The following ABCC1 variants were observed in gnomAD, a reference collection of about 807,000 sequenced individuals.
ABCC1 encodes the protein multidrug resistance-associated protein 1.
In ABCC1, 83 loss-of-function variants were observed where a neutral mutation model predicts 172.9. The ratio of observed to expected loss-of-function variants is 0.48; its 90% CI spans 0.40 to 0.58. The LOEUF is 0.58. Among genes scored for constraint, ABCC1 ranks in the 20% least tolerant of loss-of-function variants. The pLI, the probability that ABCC1 is intolerant of heterozygous loss-of-function variation, is 0.00. For missense variants in ABCC1, 1,817 were observed against 2,002.7 expected (o/e 0.91, Z 1.77); for synonymous variants, 937 against 825.2 (o/e 1.14, Z -2.32).
At chr16:16,044,071 C>A (rs2049096933) in intron 7 of ABCC1, among the ~76,000 whole-genome samples, 1 of 152,224 alleles carries the variant, frequency 6.6e-6, no homozygotes, top group Non-Finnish European at 1.5e-5. Flanking sequence ...TGGGGATTGC[C>A]TTGACTCTAG....
chr16:16,110,048 G>A (rs146452283), intron 21 of ABCC1, among the ~76,000 whole-genome samples: 203 of 151,536 alleles, frequency 1.3e-3, no homozygotes, highest in African/African-American at 4.7e-3. Flanking sequence ...CTACCTCAGG[G>A]CCTTTGCACA....
intron 5 of ABCC1, among the ~76,000 whole-genome samples, chr16:16,024,499 G>A (rs999433345): frequency 6.6e-6 from 1 of 152,130 alleles, no homozygotes; most frequent in African/African-American, 2.4e-5. Flanking sequence ...CCATAGTTGC[G>A]TGCCACCACG....
At chr16:16,009,712 G>A (rs1412078087) in intron 2 of ABCC1, 64 bp from the exon 3 acceptor site, 53 of 1,487,324 alleles carry the variant, frequency 3.6e-5, no homozygotes, top group East Asian at 5.1e-5. Flanking sequence ...TGAGCTGTTC[G>A]TGCAGGCCCT....
At chr16:16,039,125 G>C (rs2048866652) in intron 7 of ABCC1, among the ~76,000 whole-genome samples, 1 of 151,962 alleles carries the variant, frequency 6.6e-6, no homozygotes, top group Non-Finnish European at 1.5e-5. Context: ...TGTGAAACAT[G>C]CATTGACAAG....
chr16:16,093,270 G>A (rs922754390), intron 19 of ABCC1, among the ~76,000 whole-genome samples: 1 of 152,016 alleles, frequency 6.6e-6, no homozygotes, highest in African/African-American at 2.4e-5. Context: ...AAATCAAAAT[G>A]TGTGGGTTTA....
At chr16:16,127,031 C>T (rs531592453) in intron 26 of ABCC1, among the ~76,000 whole-genome samples, 1 of 152,196 alleles carries the variant, frequency 6.6e-6, no homozygotes, top group African/African-American at 2.4e-5. Context: ...TTGCGTTGCC[C>T]TTAATAACTG....
chr16:16,063,703 TAAC>T, intron 12 of ABCC1, among the ~76,000 whole-genome samples: 1 of 152,140 alleles, frequency 6.6e-6, no homozygotes, highest in Non-Finnish European at 1.5e-5. Context: ...ATGTTGGGAA[TAAC>T]AACGTCTCTG....
chr16:16,138,440 A>G lies in ABCC1; in HGVS notation c.4369A>G (p.Thr1457Ala). The G allele has an allele frequency of 6.2e-7, 1 of 1,612,924 alleles. No homozygotes were observed. The highest frequency in any genetic ancestry group is 1.1e-5 in the South Asian group (1 of 91,018). Residue 1457 changes from threonine (T) to alanine (A), a missense_variant, in exon 30 of 31, where the codon ACG becomes GCG. By Grantham distance (58) the Thr-to-Ala change is moderately conservative. Coordinates refer to ENST00000399410, the MANE Select transcript of ABCC1 (RefSeq NM_004996.4). ...GAAGATCCTTGTGTTGGATGAGGCC[A>G]CGGCAGCCGTGGACCTGGAAACGGA... ...KTKILVLDEA[T>A]AAVDLETDDL...
rs574508072 is a variant in ABCC1, at chr16:16,020,980, G to A, written c.615+4359G>A. Among the ~76,000 whole-genome samples, 9 of 152,306 alleles carry A rather than the reference G, an allele frequency of 5.9e-5. No individual in the cohort carries two copies. In the East Asian group the frequency reaches 1.7e-3, roughly 29 times the overall value. On this transcript the variant is annotated intron_variant, in intron 5 of 30. Coordinates refer to ENST00000399410, the MANE Select transcript of ABCC1 (RefSeq NM_004996.4). ...CATGTCACTTCGCTTGGTTGTAACT[G>A]CTGAATGGGAGGGTCTTGGCTAAAT...
At chr16:16,017,242 T>G (rs892464961) in intron 5 of ABCC1, among the ~76,000 whole-genome samples, 2 of 152,152 alleles carry the variant, frequency 1.3e-5, no homozygotes, top group Non-Finnish European at 2.9e-5. Flanking sequence ...CTTTTCTTCT[T>G]TTTTTTGAGA....
intron 1 of ABCC1, 80 bp from the exon 2 acceptor site, chr16:16,007,736 C>T (rs2047597512): frequency 7.2e-7 from 1 of 1,395,730 alleles, no homozygotes; most frequent in African/African-American, 1.5e-5. Flanking sequence ...AACCCCGTGG[C>T]AGCTGGTTTC....
At chr16:16,005,673 G>A (rs1037581667) in intron 1 of ABCC1, among the ~76,000 whole-genome samples, 41 of 152,214 alleles carry the variant, frequency 2.7e-4, no homozygotes, top group African/African-American at 9.6e-4. Flanking sequence ...AGTTATGCCA[G>A]AGACCGGGCG....
intron 12 of ABCC1, among the ~76,000 whole-genome samples, chr16:16,062,883 T>C (rs2049973955): frequency 6.6e-6 from 1 of 152,190 alleles, no homozygotes; most frequent in Non-Finnish European, 1.5e-5. Flanking sequence ...GTCCACCTAA[T>C]GCACTTTCCT....
At chr16:15,998,756 C>T (rs941441054) in intron 1 of ABCC1, among the ~76,000 whole-genome samples, 1 of 152,160 alleles carries the variant, frequency 6.6e-6, no homozygotes, top group African/African-American at 2.4e-5. Context: ...TCCTTAAATG[C>T]TCTCTGGTTT....
intron 12 of ABCC1, among the ~76,000 whole-genome samples, chr16:16,056,841 A>G (rs1365636449): frequency 6.6e-6 from 1 of 152,212 alleles, no homozygotes; most frequent in Non-Finnish European, 1.5e-5. Flanking sequence ...TTGTGCCAGA[A>G]TGTAAACCAG....
At chr16:16,024,286 G>GAGGC (rs1379080251) in intron 5 of ABCC1, among the ~76,000 whole-genome samples, 1 of 40,672 alleles carries the variant, frequency 2.5e-5, no homozygotes, top group African/African-American at 6.3e-5. Context: ...AGCGAAAAGA[G>GAGGC]AGGCAAGAGT....
At chr16:16,025,497 G>A (rs1048109210) in intron 5 of ABCC1, among the ~76,000 whole-genome samples, 20 of 152,224 alleles carry the variant, frequency 1.3e-4, no homozygotes, top group African/African-American at 4.6e-4. Flanking sequence ...AAACATTATT[G>A]CTGCTGCACG....
At chr16:16,100,489 G>A (rs1191724184) in intron 19 of ABCC1, among the ~76,000 whole-genome samples, 2 of 152,214 alleles carry the variant, frequency 1.3e-5, no homozygotes, top group South Asian at 2.1e-4. Context: ...ACACATGTGT[G>A]TGAGGACAGG....
chr16:16,071,284 G>C (rs1423438963), intron 13 of ABCC1, among the ~76,000 whole-genome samples: 1 of 150,220 alleles, frequency 6.7e-6, no homozygotes, highest in Admixed American at 6.6e-5. Context: ...TTTTAGCTGA[G>C]GCGGGGTTTC....
Sources: allele counts gnomAD v4.1 joint callset (sites outside exome capture counted in the v4.1 genomes callset), GRCh38; gene constraint gnomAD v4.1.1; transcripts MANE v1.5; gene names NCBI Gene and HGNC (gene_info 2026-07-23, HGNC 2026-07-21).